The following PCDH11X variants were observed in gnomAD, a reference collection of about 807,000 sequenced individuals.
The protein encoded by PCDH11X is protocadherin-11 X-linked.
In PCDH11X, 18 loss-of-function variants were observed where a neutral mutation model predicts 53.3. The ratio of observed to expected loss-of-function variants is 0.34; its 90% confidence interval spans 0.23 to 0.50. The LOEUF (loss-of-function observed/expected upper bound fraction) is 0.50, where lower values mean the gene tolerates loss of function less well. PCDH11X is among the 20% of genes least tolerant of loss of function. The probability of loss-of-function intolerance (pLI) is 0.98; values close to 1 mark genes in which losing one functional copy is unlikely to be tolerated. For missense variants in PCDH11X, 570 were observed against 1,032.4 expected (o/e 0.55, Z 6.14); for synonymous variants, 279 against 393.3 (o/e 0.71, Z 3.44).
At chrX:92,217,913 T>G (rs2066757683) in intron 7 of PCDH11X, among the ~76,000 whole-genome samples, 2 of 108,692 alleles carry the variant, frequency 1.8e-5, no homozygotes, top group African/African-American at 6.7e-5. Flanking sequence ...TCAAAACCGC[T>G]CAACTACATG....
intron 6 of PCDH11X, among the ~76,000 whole-genome samples, chrX:92,194,918 T>C (rs2066267870): frequency 9.0e-6 from 1 of 111,655 alleles, no homozygotes; most frequent in Admixed American, 9.6e-5. Context: ...CACAGAGTGA[T>C]AGCTTTATCC....
At chrX:92,501,489 G>A (rs1229207125) in intron 10 of PCDH11X, among the ~76,000 whole-genome samples, 2 of 110,804 alleles carry the variant, frequency 1.8e-5, no homozygotes, top group Non-Finnish European at 3.8e-5. Flanking sequence ...GTAAAATATT[G>A]GCAAACCAAA....
In PCDH11X at chrX:92,465,338, T is replaced by C. The variant is rs758455617; in HGVS notation, c.3344-2961T>C. Among the ~76,000 whole-genome samples, 4 of 111,994 alleles carry C rather than the reference T, an allele frequency of 3.6e-5. No homozygotes were observed. In the South Asian group the frequency reaches 1.5e-3, roughly 41 times the overall value. ...ATTATATTTCAATTGACTCTAGTAG[T>C]AAAGATATCTGATTATTTCTAAACA... On this transcript the variant is annotated intron_variant, in intron 9 of 10. Transcript: ENST00000682573.
At chrX:92,471,327 A>C (rs2148664208) in intron 10 of PCDH11X, among the ~76,000 whole-genome samples, 1 of 107,446 alleles carries the variant, frequency 9.3e-6, no homozygotes, top group African/African-American at 3.4e-5. Flanking sequence ...TGTTCTCATA[A>C]TTTATCTCTC....
intron 6 of PCDH11X, among the ~76,000 whole-genome samples, chrX:91,983,889 G>T (rs2062187436): frequency 9.0e-6 from 1 of 111,135 alleles, no homozygotes; most frequent in South Asian, 3.8e-4. Flanking sequence ...CATATTTATA[G>T]AGATATTTAT....
intron 10 of PCDH11X, among the ~76,000 whole-genome samples, chrX:92,586,923 A>G (rs1210637602): frequency 9.2e-6 from 1 of 108,251 alleles, no homozygotes; most frequent in Non-Finnish European, 1.9e-5. Flanking sequence ...GATGAGTCAT[A>G]TATTTCTCAT....
chrX:91,921,798 G>A (rs1177358734), intron 6 of PCDH11X, among the ~76,000 whole-genome samples: 2 of 109,501 alleles, frequency 1.8e-5, no homozygotes, highest in Non-Finnish European at 3.8e-5. Flanking sequence ...GTAAACATAA[G>A]TTTTAAGCTC....
chrX:92,000,024 G>C (rs1208166340), intron 6 of PCDH11X, among the ~76,000 whole-genome samples: 1 of 111,515 alleles, frequency 9.0e-6, no homozygotes, highest in African/African-American at 3.3e-5. Flanking sequence ...ACTATGTATG[G>C]GGGGTGTAAA....
At chrX:92,269,111 G>A (rs894286812) in intron 8 of PCDH11X, among the ~76,000 whole-genome samples, 1 of 111,516 alleles carries the variant, frequency 9.0e-6, no homozygotes, top group East Asian at 2.8e-4. Flanking sequence ...ATATTATCCT[G>A]TCTGGTTAAC....
intron 8 of PCDH11X, among the ~76,000 whole-genome samples, chrX:92,266,890 G>T (rs777102830): frequency 9.1e-6 from 1 of 109,388 alleles, no homozygotes; most frequent in African/African-American, 3.3e-5. Context: ...GATTACAGGC[G>T]CCTGCCACCA....
rs1261718016 is a variant in PCDH11X, at chrX:91,878,961, T to C, written c.2721T>C (p.Leu907=). ...ATGGAAACAGAGTCACACTAGACCT[T>C]CCTATTGATCTAGAAGAGCAAACAA... ...DSDGNRVTLD[L]PIDLEEQTMG... Residue 907 remains leucine (L), a synonymous_variant, in exon 6 of 11, where the codon CTT becomes CTC. Coordinates refer to ENST00000682573, the MANE Select transcript of PCDH11X (RefSeq NM_032968.5). 1 of 1,209,579 alleles carries C rather than the reference T, an allele frequency of 8.3e-7. No homozygotes were observed. The highest frequency in any genetic ancestry group is 1.1e-6 in the Non-Finnish European group (1 of 895,059).
chrX:92,026,447 C>T, intron 6 of PCDH11X, among the ~76,000 whole-genome samples: 1 of 110,253 alleles, frequency 9.1e-6, no homozygotes, highest in East Asian at 2.9e-4. Flanking sequence ...CTGTAGATCA[C>T]TCACACTGGA....
intron 6 of PCDH11X, among the ~76,000 whole-genome samples, chrX:91,887,289 G>A (rs376048204): frequency 8.7e-4 from 97 of 110,982 alleles, no homozygotes; most frequent in African/African-American, 2.8e-3. Flanking sequence ...TGTAATAAAC[G>A]TATTTTCTTG....
chrX:92,086,382 G>A (rs989950227), intron 6 of PCDH11X, among the ~76,000 whole-genome samples: 1 of 111,140 alleles, frequency 9.0e-6, no homozygotes, highest in Admixed American at 9.7e-5. Context: ...AATATGCATG[G>A]TTATATACAG....
At chrX:92,064,282 C>T (rs1182096687) in intron 6 of PCDH11X, among the ~76,000 whole-genome samples, 1 of 108,701 alleles carries the variant, frequency 9.2e-6, no homozygotes, top group African/African-American at 3.4e-5. Context: ...CAGTGATGGC[C>T]TCATTTTAGT....
At chrX:91,970,660 C>T (rs2061945344) in intron 6 of PCDH11X, among the ~76,000 whole-genome samples, 1 of 111,782 alleles carries the variant, frequency 8.9e-6, no homozygotes, top group African/African-American at 3.3e-5. Flanking sequence ...GATAAAAGTT[C>T]GTAGTGCAGC....
chrX:92,222,293 G>GT (rs1489808130), intron 7 of PCDH11X, among the ~76,000 whole-genome samples: 1 of 111,822 alleles, frequency 8.9e-6, no homozygotes, highest in Admixed American at 9.5e-5. Context: ...TGTTTCACAG[G>GT]TAAAAATGTC....
chrX:92,603,588 A>G (rs532828243), intron 10 of PCDH11X, among the ~76,000 whole-genome samples: 62 of 108,064 alleles, frequency 5.7e-4, no homozygotes, highest in South Asian at 4.9e-3. Flanking sequence ...TTCAGTGGAT[A>G]CCAGAAGGCA....
chrX:91,818,749 G>T (rs1379747125), intron 4 of PCDH11X, among the ~76,000 whole-genome samples: 1 of 109,951 alleles, frequency 9.1e-6, no homozygotes, highest in Non-Finnish European at 1.9e-5. Context: ...TTCTATTTTG[G>T]GGCTGCCTTA....
Sources: allele counts gnomAD v4.1 joint callset (sites outside exome capture counted in the v4.1 genomes callset), GRCh38; gene constraint gnomAD v4.1.1; transcripts MANE v1.5; gene names NCBI Gene and HGNC (gene_info 2026-07-23, HGNC 2026-07-21).